Variants in ATP10B observed in about 807,000 individuals in gnomAD.
The protein encoded by ATP10B is phospholipid-transporting ATPase VB.
In ATP10B, 122 loss-of-function variants were observed where a neutral mutation model predicts 141.2. The ratio of observed to expected loss-of-function variants is 0.86; its 90% CI spans 0.75 to 1.00. ATP10B has a LOEUF of 1.00. Among genes scored for constraint, ATP10B ranks in the 50% least tolerant of loss-of-function variants. The pLI, the probability that ATP10B is intolerant of heterozygous loss-of-function variation, is 0.00. For missense variants in ATP10B, 1,876 were observed against 1,825.3 expected, an observed-to-expected ratio of 1.03 and a Z score of -0.51; for synonymous variants, 685 against 692.0, an observed-to-expected ratio of 0.99 and a Z score of 0.16.
the ATP10B span, among the ~76,000 whole-genome samples, chr5:160,880,202 T>C: frequency 2.0e-5 from 2 of 100,290 alleles, no homozygotes; most frequent in South Asian, 7.5e-4. Context: ...ATATATAGAT[T>C]ATATAATATA....
chr5:160,813,448 C>T (rs1477811672), intron 1 of ATP10B, among the ~76,000 whole-genome samples: 1 of 152,162 alleles, frequency 6.6e-6, no homozygotes, highest in Non-Finnish European at 1.5e-5. Context: ...GGGCACCCAC[C>T]ACTGCTGAGG....
chr5:160,634,856 G>A (rs576452247), intron 11 of ATP10B, among the ~76,000 whole-genome samples: 54 of 152,362 alleles, frequency 3.5e-4, no homozygotes, highest in African/African-American at 1.1e-3. Flanking sequence ...CTGGGAGGGA[G>A]TGAGAGAGAC....
At chr5:160,924,139 C>T in the ATP10B span, among the ~76,000 whole-genome samples, 1 of 152,230 alleles carries the variant, frequency 6.6e-6, no homozygotes, top group Non-Finnish European at 1.5e-5. Context: ...GCAGGTTTGT[C>T]CCCATCCCTT....
chr5:160,849,456 C>G (rs1285475530), intron 1 of ATP10B, among the ~76,000 whole-genome samples: 1 of 152,122 alleles, frequency 6.6e-6, no homozygotes, highest in Non-Finnish European at 1.5e-5. Flanking sequence ...ATAACGAAAG[C>G]AGAAAATGAG....
chr5:160,777,573 T>A (rs1327022477), intron 2 of ATP10B, among the ~76,000 whole-genome samples: 1 of 152,164 alleles, frequency 6.6e-6, no homozygotes, highest in Non-Finnish European at 1.5e-5. Flanking sequence ...TGAAGCAAAG[T>A]GAGAATAATC....
intron 1 of ATP10B, among the ~76,000 whole-genome samples, chr5:160,803,145 A>G (rs12654134): frequency 0.12 from 18,275 of 152,042 alleles, 1,136 homozygotes; most frequent in Middle Eastern, 0.16. Context: ...TAGCTATATA[A>G]CTTTAGATCT....
At position 160,563,775 on chromosome 5, in the gene ATP10B, C is replaced by T. The variant is rs1370953664; in HGVS notation, c.*1678G>A. The T allele has an allele frequency of 3.9e-5, 6 of 152,106 alleles. No individual in the cohort carries two copies. Among genetic ancestry groups the T allele is most frequent in the African/African-American group, 1.4e-4 (6 of 41,416 alleles). 9.4% of individuals were successfully genotyped at this position (152,106 alleles called of 1,614,324 possible). A position where few individuals can be genotyped will look rare whatever the true frequency, so the allele number is the denominator to read the frequency against. ...AGAAATTGGGGGAAAAATTGAGGTA[C>T]CTGAGATCCAAGTTTTGACTCAATC... On this transcript the variant is annotated 3_prime_UTR_variant, in exon 26 of 26. Transcript: ENST00000327245.
At chr5:160,920,323 T>C in the ATP10B span, among the ~76,000 whole-genome samples, 1 of 152,218 alleles carries the variant, frequency 6.6e-6, no homozygotes, top group East Asian at 1.9e-4. Context: ...AAGGGCTTAA[T>C]AGGTACATGT....
Position 160,631,459 on chromosome 5 carries a change from A to C in ATP10B, c.1620+670T>G, listed in dbSNP as rs147650987. ...CAGAAAGCCCCAGACCAAAGCCACA[A>C]ACAGCAATGCCCATAAGGGCCGAAG... On this transcript the variant is annotated intron_variant, in intron 13 of 25. Coordinates refer to ENST00000327245, the MANE Select transcript of ATP10B (RefSeq NM_025153.3). 5.4e-3 allele frequency among the ~76,000 whole-genome samples: 830 copies of C among 152,378 alleles called. 5 individuals are homozygous for C. Among genetic ancestry groups the C allele is most frequent in the South Asian group, 0.013 (63 of 4,830 alleles).
intron 1 of ATP10B, among the ~76,000 whole-genome samples, chr5:160,825,283 C>G (rs1774499581): frequency 6.6e-6 from 1 of 152,132 alleles, no homozygotes; most frequent in South Asian, 2.1e-4. Context: ...AATTGTAGCT[C>G]CCATAATTCC....
chr5:160,658,680 C>T (rs1418570252), intron 7 of ATP10B, among the ~76,000 whole-genome samples: 3 of 152,278 alleles, frequency 2.0e-5, no homozygotes, highest in African/African-American at 7.2e-5. Context: ...GGGAAGGTTG[C>T]TAGACCCTCT....
rs184543170 is a variant in ATP10B, at chr5:160,799,805, C to T, written c.-575-14002G>A. ...GCCTGGCAGCATTTAGAGTTCTCAGCGTATTAGAGTTCTGGAGAAAATAAT... is the reference window on the plus strand; with the variant it reads ...GCCTGGCAGCATTTAGAGTTCTCAGTGTATTAGAGTTCTGGAGAAAATAAT... On this transcript the variant is annotated intron_variant, in intron 1 of 25. Coordinates refer to ENST00000327245, the MANE Select transcript of ATP10B (RefSeq NM_025153.3). Among the ~76,000 whole-genome samples the T allele has an allele frequency of 5.3e-5, 8 of 152,210 alleles. No individual in the cohort carries two copies. The East Asian group carries it at 5.8e-4, about 11-fold the overall frequency.
the ATP10B span, among the ~76,000 whole-genome samples, chr5:160,893,519 ATC>A: frequency 6.6e-6 from 1 of 152,200 alleles, no homozygotes; most frequent in African/African-American, 2.4e-5. Flanking sequence ...TGGGCAGGGC[ATC>A]TCTGAAAGAA....
chr5:160,888,574 G>A, the ATP10B span, among the ~76,000 whole-genome samples: 67 of 152,182 alleles, frequency 4.4e-4, 3 homozygotes, highest in African/African-American at 2.4e-5. Context: ...TAGAAGGACC[G>A]TTCTTCTCTC....
chr5:160,644,244 C>A lies in ATP10B; in HGVS notation c.762G>T (p.Met254Ile), dbSNP rs1426393453. 6.2e-7 allele frequency: 1 copy of A among 1,612,840 alleles called. No homozygotes were observed. The change falls in exon 9 of 26, where the codon ATG becomes ATT. Residue 254 changes from methionine (M) to isoleucine (I), a missense_variant and splice_region_variant. Physicochemically the swap from Met to Ile is conservative, Grantham distance 10. Transcript: ENST00000327245. The stretch of plus-strand genomic sequence containing the variant: ...CAGTCCTGGTCTGGTCAGGATGCTC[C>A]CTGGGGATGATGAATAAAAGACAGG... ...NNHLNKFKGYMEHPDQTRTGF... is the reference protein window; with the variant it reads ...NNHLNKFKGYIEHPDQTRTGF...
chr5:160,912,879 G>A, the ATP10B span, among the ~76,000 whole-genome samples: 13 of 152,272 alleles, frequency 8.5e-5, no homozygotes, highest in East Asian at 2.3e-3. Context: ...CAGAAGGTGT[G>A]TTCCCCTGCT....
At chr5:160,637,020 C>CCATCCATCCATCCATG (rs1759442557) in intron 10 of ATP10B, among the ~76,000 whole-genome samples, 1 of 40,112 alleles carries the variant, frequency 2.5e-5, no homozygotes, top group African/African-American at 8.6e-5. Flanking sequence ...ATCCATCTAT[C>CCATCCATCCATCCATG]CATCCATCCA....
At chr5:160,587,994 C>A (rs1756024644) in intron 24 of ATP10B, among the ~76,000 whole-genome samples, 1 of 152,128 alleles carries the variant, frequency 6.6e-6, no homozygotes, top group Non-Finnish European at 1.5e-5. Context: ...GGATTACGGG[C>A]ACATGCCATC....
At chr5:160,800,482 A>C (rs564741463) in intron 1 of ATP10B, among the ~76,000 whole-genome samples, 20 of 152,318 alleles carry the variant, frequency 1.3e-4, no homozygotes, top group African/African-American at 4.8e-4. Context: ...GTCCTTTGTT[A>C]AACAGCTAAA....
Sources: gnomAD v4.1 joint callset for allele counts (sites outside exome capture counted in the v4.1 genomes callset) on GRCh38, gnomAD v4.1.1 for gene constraint, MANE v1.5 for transcripts, NCBI Gene and HGNC (gene_info 2026-07-23, HGNC 2026-07-21) for gene names.